The following SCYL1 variants were observed in gnomAD, a reference collection of about 807,000 sequenced individuals.
SCYL1 encodes the protein SCY1 like pseudokinase 1, also known as N-terminal kinase-like protein.
A neutral mutation model predicts 94.8 loss-of-function variants in SCYL1; 85 were observed. That is an observed-to-expected ratio of 0.90 (90% CI 0.75 to 1.07). The LOEUF is 1.07. Among genes scored for constraint, SCYL1 ranks in the 50% least tolerant of loss-of-function variants. The pLI is 0.00. For synonymous variants in SCYL1, 459 were observed against 435.5 expected (o/e 1.05, Z -0.67); for missense variants, 968 against 1,083.3 (o/e 0.89, Z 1.49).
intron 6 of SCYL1, among the ~76,000 whole-genome samples, chr11:65,527,336 C>T (rs1027124958): frequency 3.9e-5 from 6 of 152,122 alleles, no homozygotes; most frequent in South Asian, 2.1e-4. Flanking sequence ...ATCCCTAATC[C>T]GAAAATGCAT....
At position 65,532,755 on chromosome 11, in the gene SCYL1, G is replaced by C; in HGVS notation, c.1180G>C (p.Val394Leu). The change falls in exon 9 of 18, where the codon GTA (valine) becomes CTA (leucine). Residue 394 changes from valine (V) to leucine (L), a missense_variant. Around this residue, in one of 2 missense-constraint regions of SCYL1, gnomAD observed 494 missense variants for 619.7 expected, o/e 0.80. Coordinates refer to ENST00000270176, the MANE Select transcript of SCYL1 (RefSeq NM_020680.4). ...TVNTQIFPHV[V>L]HGFLDTNPAI... The stretch of plus-strand genomic sequence containing the variant: ...CAACACCCAGATCTTCCCCCACGTC[G>C]TACATGGCTTCCTGGACACCAACCC... 1 of 1,614,122 alleles carries C rather than the reference G, an allele frequency of 6.2e-7. No individual in the cohort carries two copies. The highest frequency in any genetic ancestry group is 1.1e-5 in the South Asian group (1 of 91,086).
chr11:65,530,853 G>A, intron 7 of SCYL1, 66 bp downstream of exon 7: 1 of 1,532,650 alleles, frequency 6.5e-7, no homozygotes, highest in Non-Finnish European at 8.7e-7. Flanking sequence ...AGAAGGCCCT[G>A]GGGTAGGGCA....
rs773861156 is a variant in SCYL1, at chr11:65,537,047, G to C, written c.1878G>C (p.Glu626Asp). The C allele has an allele frequency of 5.3e-5, 86 of 1,613,872 alleles. No individual in the cohort carries two copies. The highest frequency in any genetic ancestry group is 7.1e-5 in the Non-Finnish European group (84 of 1,179,880). Residue 626 changes from glutamate to aspartate, a missense_variant, in exon 14 of 18, where the codon GAG (glutamate) becomes GAC (aspartate). By Grantham distance (45) the Glu-to-Asp change is conservative. This residue lies in a region of SCYL1 where 474 missense variants were observed against 463.6 expected (regional missense o/e 1.02). Coordinates refer to ENST00000270176, the MANE Select transcript of SCYL1 (RefSeq NM_020680.4). Reference sequence around the variant, plus strand: ...CCCCTACAACCTCAGGCCACTGGGAGACGCAGGAGGAGGACAAGGACACAG... The same window carrying C: ...CCCCTACAACCTCAGGCCACTGGGACACGCAGGAGGAGGACAAGGACACAG... ...PATPTTSGHW[E>D]TQEEDKDTAE...
At chr11:65,528,400 C>T (rs971549298) in intron 6 of SCYL1, among the ~76,000 whole-genome samples, 1 of 151,838 alleles carries the variant, frequency 6.6e-6, no homozygotes, top group African/African-American at 2.4e-5. Context: ...CAAGATTGTG[C>T]CATTGCATTC....
rs761118473 is a variant in SCYL1, at chr11:65,530,811, A to G, written c.1008+24A>G. On this transcript the variant is annotated intron_variant, in intron 7 of 17. Coordinates refer to ENST00000270176, the MANE Select transcript of SCYL1 (RefSeq NM_020680.4). ...AGGTGAGTGGAACTGTGGGGTCCAG[A>G]AGGCTGGCTGGGTGCACAGGAACTG... 4 of 1,592,046 alleles carry G rather than the reference A, an allele frequency of 2.5e-6. No homozygotes were observed. In the East Asian group the frequency reaches 9.0e-5, roughly 36 times the overall value.
In SCYL1 at chr11:65,526,947, A is replaced by G; in HGVS notation, c.694-15A>G. 1.9e-6 allele frequency: 3 copies of G among 1,608,836 alleles called. No individual in the cohort carries two copies. ...GCTGGCTACCCCTGCCCTGACACTGACCCCTCCCCTACAGATCCCCAAAAC... is the reference window on the plus strand; with the variant it reads ...GCTGGCTACCCCTGCCCTGACACTGGCCCCTCCCCTACAGATCCCCAAAAC... On this transcript the variant is annotated splice_polypyrimidine_tract_variant and intron_variant, in intron 5 of 17. Transcript: ENST00000270176. This position sits in a 1 kb window ranked among gnomAD's most constrained non-coding sequence, Gnocchi z 4.1.
In SCYL1 at chr11:65,531,192, C is replaced by G. The variant is rs572166450; in HGVS notation, c.1009-384C>G. 3.2e-3 allele frequency among the ~76,000 whole-genome samples: 482 copies of G among 152,202 alleles called. 2 individuals are homozygous for G. Among genetic ancestry groups the G allele is most frequent in the Non-Finnish European group, 5.2e-3 (352 of 68,018 alleles). On this transcript the variant is annotated intron_variant, in intron 7 of 17. Coordinates refer to ENST00000270176, the MANE Select transcript of SCYL1 (RefSeq NM_020680.4). Reference sequence around the variant, plus strand: ...ACCCCAGCCCGCCTTTTTATGGGCACCTGGCATTCCCTGCCCTCCTCACCT... The same window carrying G: ...ACCCCAGCCCGCCTTTTTATGGGCAGCTGGCATTCCCTGCCCTCCTCACCT...
At position 65,532,822 on chromosome 11, in the gene SCYL1, C is replaced by G; in HGVS notation, c.1230+17C>G. 2 of 1,593,848 alleles carry G rather than the reference C, an allele frequency of 1.3e-6. No homozygotes were observed. The highest frequency in any genetic ancestry group is 1.7e-6 in the Non-Finnish European group (2 of 1,161,654). ...ACGGTCAAGGTGGGTGTGGCCAGGC[C>G]CAGAGTGGCTACCCCTGGTTTTCCA... On this transcript the variant is annotated intron_variant, in intron 9 of 17. Coordinates refer to ENST00000270176, the MANE Select transcript of SCYL1 (RefSeq NM_020680.4).
At chr11:65,535,510 C>A in intron 10 of SCYL1, 128 bp downstream of exon 10, 1 of 1,233,818 alleles carries the variant, frequency 8.1e-7, no homozygotes, top group Non-Finnish European at 1.1e-6. Flanking sequence ...GCTGTTGGCC[C>A]CATATCTGGG....
intron 6 of SCYL1, among the ~76,000 whole-genome samples, chr11:65,528,665 C>T (rs536428276): frequency 5.3e-5 from 8 of 151,638 alleles, no homozygotes; most frequent in South Asian, 2.1e-4. Context: ...GAGGCTGAGG[C>T]GGGAGAATAG....
chr11:65,535,321 G>A lies in SCYL1; in HGVS notation c.1325G>A (p.Gly442Asp). ...FARLQAKDEQGPIRCNTTVCL... is the reference protein window; with the variant it reads ...FARLQAKDEQDPIRCNTTVCL... ...CGGCTACAGGCCAAGGATGAACAGGGCCCCATCCGCTGCAACACCACAGTC... is the reference window on the plus strand; with the variant it reads ...CGGCTACAGGCCAAGGATGAACAGGACCCCATCCGCTGCAACACCACAGTC... Residue 442 changes from glycine (G) to aspartate (D), a missense_variant, in exon 10 of 18, where the codon GGC becomes GAC. By Grantham distance (94) the Gly-to-Asp change is moderately conservative. This residue lies in a region of SCYL1 where 494 missense variants were observed against 619.7 expected (regional missense o/e 0.80). Transcript: ENST00000270176. 2.5e-6 allele frequency: 4 copies of A among 1,614,266 alleles called. No individual in the cohort carries two copies. The highest frequency in any genetic ancestry group is 3.4e-6 in the Non-Finnish European group (4 of 1,180,038).
rs1855565612 is a variant in SCYL1 at position 65,534,990 on chromosome 11, G to A, written c.1231-237G>A. The A allele has an allele frequency of 3.3e-5, 18 of 552,498 alleles. No homozygotes were observed. The South Asian group carries it at 3.9e-4, about 12-fold the overall frequency. 34.2% of individuals were successfully genotyped at this position (552,498 alleles called of 1,614,324 possible). A position where few individuals can be genotyped will look rare whatever the true frequency, so the allele number is the denominator to read the frequency against. ...GTCTAGGTGGAGTGCCATCAGGAGA[G>A]CAGAGCAGAGGAAATGGGAAACAGG... On this transcript the variant is annotated intron_variant, in intron 9 of 17. Coordinates refer to ENST00000270176, the MANE Select transcript of SCYL1 (RefSeq NM_020680.4).
intron 14 of SCYL1, among the ~76,000 whole-genome samples, chr11:65,537,533 G>C (rs1284237214): frequency 6.6e-6 from 1 of 152,130 alleles, no homozygotes; most frequent in Non-Finnish European, 1.5e-5. Flanking sequence ...GAATGGGGCA[G>C]AGCTGGGGGC....
At chr11:65,528,419 G>A (rs1217769628) in intron 6 of SCYL1, among the ~76,000 whole-genome samples, 2 of 151,396 alleles carry the variant, frequency 1.3e-5, no homozygotes, top group Non-Finnish European at 1.5e-5. Context: ...TCTAGCCTGG[G>A]CAACAAGAGC....
In SCYL1 at chr11:65,530,719, C is replaced by CT; in HGVS notation, c.941dup (p.Pro315AlafsTer30). 1 of 1,614,078 alleles carries CT rather than the reference C, an allele frequency of 6.2e-7. No individual in the cohort carries two copies. Among genetic ancestry groups the CT allele is most frequent in the Non-Finnish European group, 8.5e-7 (1 of 1,180,022 alleles). ...TGAGGATTTCTGTCGGCACAAGGTGCTGCCCCAGCTGCTGACCGCCTTCGA... is the reference window on the plus strand; with the variant it reads ...TGAGGATTTCTGTCGGCACAAGGTGCTTGCCCCAGCTGCTGACCGCCTTCGA... On this transcript the variant is annotated frameshift_variant, in exon 7 of 18. Transcript: ENST00000270176. LOFTEE classifies it high-confidence loss of function.
At chr11:65,532,580 C>G (rs1280867597) in intron 8 of SCYL1, 112 bp from the exon 9 acceptor site, 1 of 839,312 alleles carries the variant, frequency 1.2e-6, no homozygotes, top group Admixed American at 2.1e-5. Flanking sequence ...GGAGGTTGAC[C>G]TGGCTGGCCA....
chr11:65,535,678 G>A (rs768071482), intron 10 of SCYL1: 38 of 578,796 alleles, frequency 6.6e-5, no homozygotes, highest in Middle Eastern at 4.6e-4. Flanking sequence ...AGGAATGAAC[G>A]GTCAGCTGGG....
In SCYL1 at chr11:65,531,683, G is replaced by A. The variant is rs776829093; in HGVS notation, c.1116G>A (p.Gln372=). The change falls in exon 8 of 18, where the codon CAG becomes CAA. Residue 372 remains glutamine (Q), a splice_region_variant and synonymous_variant. Transcript: ENST00000270176. ...DRAMRIRLLQ[Q]MEQFIQYLDE... ...CCATGCGCATCCGCCTCCTGCAGCAGGTGAGGCCTCTGTACCAGACTCTGT... is the reference window on the plus strand; with the variant it reads ...CCATGCGCATCCGCCTCCTGCAGCAAGTGAGGCCTCTGTACCAGACTCTGT... The A allele has an allele frequency of 6.2e-7, 1 of 1,609,792 alleles. No individual in the cohort carries two copies. The highest frequency in any genetic ancestry group is 1.1e-5 in the South Asian group (1 of 90,996).
rs564277938 is a variant in SCYL1 at position 65,538,509 on chromosome 11, C to T, written c.2370C>T (p.Arg790=). The T allele has an allele frequency of 6.2e-6, 10 of 1,607,674 alleles. No homozygotes were observed. In the East Asian group the frequency reaches 1.1e-4, roughly 18 times the overall value. The change falls in exon 18 of 18, where the codon CGC becomes CGT. Residue 790 remains arginine (R), a synonymous_variant. Transcript: ENST00000270176. ...GGCGGCGGGAGATGGAGGCCAAACG[C>T]GCCGAGAGGAAGGTGGCCAAGGGCC... ...EERRREMEAK[R]AERKVAKGPM... is the part of the protein sequence containing the mutation.
Sources: gnomAD v4.1 joint callset for allele counts (sites outside exome capture counted in the v4.1 genomes callset) on GRCh38, gnomAD v4.1.1 for gene constraint, gnomAD v4.1.1 regional missense constraint, Gnocchi (gnomAD v3.1) non-coding constraint, MANE v1.5 for transcripts, NCBI Gene and HGNC (gene_info 2026-07-23, HGNC 2026-07-21) for gene names.